The following AK5 variants were observed in gnomAD, a reference collection of about 807,000 sequenced individuals.
The protein encoded by AK5 is adenylate kinase 5.
Under a neutral mutation model 69.5 loss-of-function variants are expected in AK5, and 27 were observed. The observed-to-expected ratio is 0.39, with a 90% CI of 0.29 to 0.54. AK5 has a LOEUF of 0.54. Ranked by LOEUF, AK5 falls within the 20% of genes least tolerant of loss-of-function variation. The probability of loss-of-function intolerance (pLI) is 0.71; values close to 1 mark genes in which losing one functional copy is unlikely to be tolerated. For missense variants in AK5, 531 were observed against 700.4 expected, an observed-to-expected ratio of 0.76 and a Z score of 2.73; for synonymous variants, 260 against 244.4, an observed-to-expected ratio of 1.06 and a Z score of -0.60.
intron 8 of AK5, among the ~76,000 whole-genome samples, chr1:77,465,376 A>G (rs962526120): frequency 1.3e-5 from 2 of 152,222 alleles, no homozygotes; most frequent in African/African-American, 4.8e-5. Flanking sequence ...GTGAAAAAAA[A>G]TGAAAAAATA....
At chr1:77,295,866 C>T (rs767282720) in intron 3 of AK5, among the ~76,000 whole-genome samples, 6 of 152,060 alleles carry the variant, frequency 3.9e-5, no homozygotes, top group East Asian at 1.9e-4. Context: ...CTAAGATCTT[C>T]GGAGAATATG....
At chr1:77,435,736 A>T (rs1402548207) in intron 8 of AK5, among the ~76,000 whole-genome samples, 2 of 152,166 alleles carry the variant, frequency 1.3e-5, no homozygotes, top group Non-Finnish European at 2.9e-5. Flanking sequence ...TACTAAGAGC[A>T]GATTAGTACT....
chr1:77,289,042 T>C (rs908495397), intron 2 of AK5, among the ~76,000 whole-genome samples: 2 of 152,216 alleles, frequency 1.3e-5, no homozygotes, highest in Admixed American at 6.5e-5. Flanking sequence ...AAGAGATTTT[T>C]CTCTTACCAT....
chr1:77,430,339 C>T (rs574447360), intron 8 of AK5, among the ~76,000 whole-genome samples: 1 of 152,234 alleles, frequency 6.6e-6, no homozygotes, highest in East Asian at 1.9e-4. Flanking sequence ...AAGATGACTT[C>T]TGGGTTTTCA....
At chr1:77,390,205 C>A (rs1357399665) in intron 6 of AK5, among the ~76,000 whole-genome samples, 1 of 152,032 alleles carries the variant, frequency 6.6e-6, no homozygotes, top group Non-Finnish European at 1.5e-5. Flanking sequence ...ACATTCCTAC[C>A]CAGGTAAAAT....
intron 7 of AK5, among the ~76,000 whole-genome samples, chr1:77,415,702 G>C (rs1650379582): frequency 1.3e-5 from 2 of 152,114 alleles, no homozygotes; most frequent in Non-Finnish European, 2.9e-5. Context: ...TCAGCACATG[G>C]ACTTGACAGC....
At position 77,498,805 on chromosome 1, in the gene AK5, A is replaced by G. The variant is rs147015858; in HGVS notation, c.1147+12453A>G. On this transcript the variant is annotated intron_variant, in intron 10 of 13. Transcript: ENST00000354567. ...AGGAAAGGAACAAGATGAGGAAACC[A>G]TAACAGAAGTTTAGAGGTTAAATTC... Among the ~76,000 whole-genome samples, 227 of 152,368 alleles carry G rather than the reference A, an allele frequency of 1.5e-3. 1 individual carries two copies. Among genetic ancestry groups the G allele is most frequent in the Non-Finnish European group, 2.4e-3 (164 of 68,036 alleles).
intron 6 of AK5, among the ~76,000 whole-genome samples, chr1:77,384,439 T>G (rs1490951236): frequency 6.6e-6 from 1 of 152,176 alleles, no homozygotes; most frequent in Non-Finnish European, 1.5e-5. Context: ...AGATATTATT[T>G]CATATCCTTA....
intron 10 of AK5, among the ~76,000 whole-genome samples, chr1:77,498,708 G>A (rs533979788): frequency 6.6e-6 from 1 of 152,360 alleles, no homozygotes; most frequent in South Asian, 2.1e-4. Flanking sequence ...AGAGTGAAGG[G>A]AGACATCCAA....
intron 9 of AK5, 104 bp from the exon 10 acceptor site, chr1:77,486,204 T>A: frequency 1.4e-6 from 1 of 721,944 alleles, no homozygotes; most frequent in South Asian, 1.6e-5. Flanking sequence ...TCAAGCTTTT[T>A]ATCAAATAAA....
At chr1:77,472,894 T>C (rs1654610012) in intron 8 of AK5, among the ~76,000 whole-genome samples, 1 of 152,180 alleles carries the variant, frequency 6.6e-6, no homozygotes, top group South Asian at 2.1e-4. Flanking sequence ...GGCATCATTC[T>C]GACCTCTGCT....
intron 5 of AK5, among the ~76,000 whole-genome samples, chr1:77,336,980 T>C (rs1228495973): frequency 6.6e-6 from 1 of 152,176 alleles, no homozygotes; most frequent in Non-Finnish European, 1.5e-5. Flanking sequence ...ATCACAGTTA[T>C]AACATTAAAT....
intron 3 of AK5, among the ~76,000 whole-genome samples, chr1:77,294,479 C>G (rs989747032): frequency 6.6e-6 from 1 of 152,158 alleles, no homozygotes; most frequent in African/African-American, 2.4e-5. Flanking sequence ...AATTTTTACT[C>G]ACTATTAACT....
Position 77,367,579 on chromosome 1 carries a change from A to ATATATGT in AK5, c.891+27011_891+27012insTATATGT, listed in dbSNP as rs71075732. 1.5e-4 allele frequency among the ~76,000 whole-genome samples: 8 copies of ATATATGT among 53,396 alleles called. 1 individual carries two copies. Among genetic ancestry groups the ATATATGT allele is most frequent in the African/African-American group, 6.4e-4 (6 of 9,436 alleles). 35.0% of individuals were successfully genotyped at this position (53,396 alleles called of 152,430 possible). A position where few individuals can be genotyped will look rare whatever the true frequency, so the allele number is the denominator to read the frequency against. On this transcript the variant is annotated intron_variant, in intron 6 of 13. Transcript: ENST00000354567. ...TTTTTATATATATATATATATATAT[A>ATATATGT]ATATATATGTTATATATGTAATATA...
At chr1:77,344,266 A>G (rs1252096311) in intron 6 of AK5, among the ~76,000 whole-genome samples, 1 of 152,244 alleles carries the variant, frequency 6.6e-6, no homozygotes, top group Admixed American at 6.5e-5. Flanking sequence ...TGTATTATAC[A>G]TGTCCATATG....
chr1:77,282,544 G>A lies in AK5; in HGVS notation c.60+171G>A, dbSNP rs915941141. The stretch of plus-strand genomic sequence containing the variant: ...AGGGTAGTCGCCTTTCCCGCGGGTT[G>A]CCAGGGTCCTTGTCAGAAGGCTGGG... On this transcript the variant is annotated intron_variant, in intron 1 of 13. Coordinates refer to ENST00000354567, the MANE Select transcript of AK5 (RefSeq NM_174858.3). 5.8e-6 allele frequency: 8 copies of A among 1,374,550 alleles called. No homozygotes were observed. The South Asian group carries it at 9.0e-5, about 15-fold the overall frequency. 85.1% of individuals were successfully genotyped at this position (1,374,550 alleles called of 1,614,324 possible).
intron 12 of AK5, among the ~76,000 whole-genome samples, chr1:77,527,328 C>T (rs759482692): frequency 2.0e-5 from 3 of 152,140 alleles, no homozygotes; most frequent in Non-Finnish European, 4.4e-5. Context: ...CTATGCAGCC[C>T]ATTGGTCTGT....
intron 8 of AK5, among the ~76,000 whole-genome samples, chr1:77,466,189 C>T (rs1654130859): frequency 6.6e-6 from 1 of 152,112 alleles, no homozygotes; most frequent in Non-Finnish European, 1.5e-5. Flanking sequence ...TCCTGCAGCC[C>T]TTTGCATCCG....
intron 6 of AK5, among the ~76,000 whole-genome samples, chr1:77,368,245 A>ATATATATATATATATGTTATATATAC (rs376578923): frequency 1.5e-5 from 1 of 67,906 alleles, no homozygotes; most frequent in Non-Finnish European, 2.9e-5. Context: ...ATATATATAT[A>ATATATATATATATATGTTATATATAC]TATATATAAT....
Sources: allele counts gnomAD v4.1 joint callset (sites outside exome capture counted in the v4.1 genomes callset), GRCh38; gene constraint gnomAD v4.1.1; transcripts MANE v1.5; gene names NCBI Gene and HGNC (gene_info 2026-07-23, HGNC 2026-07-21).